COBL: variants seen among roughly 807,000 people sequenced by gnomAD.
COBL encodes the protein protein cordon-bleu.
Under a neutral mutation model 98.8 loss-of-function variants are expected in COBL, and 51 were observed. The ratio of observed to expected loss-of-function variants is 0.52; its 90% CI spans 0.41 to 0.65. COBL has a LOEUF of 0.65. COBL is among the 30% of genes least tolerant of loss of function. The pLI is 0.00. For missense variants in COBL, 1,617 were observed against 1,617.5 expected (o/e 1.00, Z 0.01); for synonymous variants, 634 against 651.7 (o/e 0.97, Z 0.41).
intron 7 of COBL, among the ~76,000 whole-genome samples, chr7:51,058,621 G>A (rs551858364): frequency 1.4e-4 from 22 of 152,122 alleles, no homozygotes; most frequent in Middle Eastern, 3.4e-3. Context: ...GACACTGTGC[G>A]GATTCAACTG....
At chr7:51,295,779 G>A (rs929505375) in intron 1 of COBL, among the ~76,000 whole-genome samples, 16 of 152,130 alleles carry the variant, frequency 1.1e-4, no homozygotes, top group East Asian at 1.9e-4. Flanking sequence ...TAACCTTTCC[G>A]AAAAATTTCA....
intron 5 of COBL, among the ~76,000 whole-genome samples, chr7:51,168,809 C>G (rs540400857): frequency 6.6e-6 from 1 of 152,288 alleles, no homozygotes; most frequent in Non-Finnish European, 1.5e-5. Context: ...GAAGAGATAT[C>G]TGCATTCTCC....
At chr7:51,259,427 G>A (rs531784785) in intron 1 of COBL, 41 of 486,052 alleles carry the variant, frequency 8.4e-5, no homozygotes, top group South Asian at 2.7e-4. Context: ...CCTCACCTGG[G>A]TCTAGTTCAG....
At chr7:51,266,156 A>C (rs1220292764) in intron 1 of COBL, among the ~76,000 whole-genome samples, 1 of 152,268 alleles carries the variant, frequency 6.6e-6, no homozygotes, top group Non-Finnish European at 1.5e-5. Context: ...ATTAATTACA[A>C]AACAATAAAT....
chr7:51,115,221 AAGAC>A (rs1797167000), intron 6 of COBL, among the ~76,000 whole-genome samples: 1 of 152,164 alleles, frequency 6.6e-6, no homozygotes, highest in African/African-American at 2.4e-5. Flanking sequence ...GATCATGTGA[AAGAC>A]AGAAAGAGCT....
At chr7:51,051,753 C>T (rs1790257084) in intron 7 of COBL, among the ~76,000 whole-genome samples, 1 of 152,206 alleles carries the variant, frequency 6.6e-6, no homozygotes, top group Non-Finnish European at 1.5e-5. Flanking sequence ...TGAAGTTCCA[C>T]AGGGACAGAG....
chr7:51,108,067 G>A (rs1368382750), intron 6 of COBL, among the ~76,000 whole-genome samples: 2 of 151,992 alleles, frequency 1.3e-5, no homozygotes, highest in Non-Finnish European at 2.9e-5. Context: ...ATCCTGCCTG[G>A]TGCCTCTAAG....
intron 6 of COBL, among the ~76,000 whole-genome samples, chr7:51,093,445 C>T (rs986234312): frequency 6.6e-6 from 1 of 152,038 alleles, no homozygotes; most frequent in African/African-American, 2.4e-5. Flanking sequence ...TTGAAGGTTC[C>T]CCAAAAAACT....
At chr7:51,055,721 C>G (rs998618260) in intron 7 of COBL, among the ~76,000 whole-genome samples, 1 of 152,194 alleles carries the variant, frequency 6.6e-6, no homozygotes, top group South Asian at 2.1e-4. Flanking sequence ...CGTACCTCCC[C>G]CAGAGTTCCT....
At position 51,049,789 on chromosome 7, in the gene COBL, G is replaced by A. The variant is rs186678625; in HGVS notation, c.1097-6097C>T. Among the ~76,000 whole-genome samples the A allele has an allele frequency of 2.0e-4, 30 of 152,322 alleles. 1 individual carries two copies. In the East Asian group the frequency reaches 5.8e-3, roughly 29 times the overall value. ...TGGTTGGAATCCCTAGTGTCTGTGT[G>A]CACACACGGGTGTGCAAATGTTCAG... On this transcript the variant is annotated intron_variant, in intron 7 of 12. Coordinates refer to ENST00000265136, the MANE Select transcript of COBL (RefSeq NM_015198.5).
rs76900942 is a variant in COBL, at chr7:51,299,854, T to C, written c.41+16739A>G. Among the ~76,000 whole-genome samples the C allele has an allele frequency of 1.9e-4, 29 of 152,284 alleles. No homozygotes were observed. In the East Asian group the frequency reaches 2.5e-3, roughly 13 times the overall value. On this transcript the variant is annotated intron_variant, in intron 1 of 12. Transcript: ENST00000265136. ...ACCCATGACTCCACAAGACAGGTCATCTGTACCCTACTTGAGGCACCATCA... is the reference window on the plus strand; with the variant it reads ...ACCCATGACTCCACAAGACAGGTCACCTGTACCCTACTTGAGGCACCATCA...
chr7:51,035,144 G>A (rs985358289), intron 8 of COBL: 10 of 152,196 alleles, frequency 6.6e-5, no homozygotes, highest in Admixed American at 2.0e-4. Flanking sequence ...AGGGCTTGCT[G>A]AGCCTCTGCA....
At chr7:51,273,283 G>A (rs1012178509) in intron 1 of COBL, among the ~76,000 whole-genome samples, 15 of 147,542 alleles carry the variant, frequency 1.0e-4, no homozygotes, top group Admixed American at 2.0e-4. Flanking sequence ...AGCTGAGATC[G>A]TGCCACTGCA....
intron 2 of COBL, among the ~76,000 whole-genome samples, chr7:51,201,020 C>A (rs1563029408): frequency 1.3e-5 from 2 of 152,028 alleles, no homozygotes; most frequent in Non-Finnish European, 2.9e-5. Flanking sequence ...GCGGGCAGAT[C>A]ACGATGTCAG....
intron 6 of COBL, among the ~76,000 whole-genome samples, chr7:51,125,972 T>C (rs115088839): frequency 0.02 from 2,995 of 152,320 alleles, 103 homozygotes; most frequent in African/African-American, 0.068. Context: ...GGATGGTAAC[T>C]TCTAGACGCT....
chr7:51,235,434 ACC>A (rs889479828), intron 1 of COBL, among the ~76,000 whole-genome samples: 1 of 152,044 alleles, frequency 6.6e-6, no homozygotes, highest in African/African-American at 2.4e-5. Context: ...ACGTCCAAGA[ACC>A]TCTTGGGCCC....
intron 7 of COBL, among the ~76,000 whole-genome samples, chr7:51,066,656 G>C (rs1791959099): frequency 6.6e-6 from 1 of 152,152 alleles, no homozygotes. Flanking sequence ...GCATGGGAAG[G>C]GGGTGCCACT....
At chr7:51,137,708 A>G (rs1414320832) in intron 5 of COBL, among the ~76,000 whole-genome samples, 6 of 152,214 alleles carry the variant, frequency 3.9e-5, no homozygotes, top group African/African-American at 1.4e-4. Context: ...CAATGAAGAC[A>G]GTAATTATCA....
intron 7 of COBL, chr7:51,070,894 A>G (rs1459178950): frequency 2.0e-5 from 3 of 152,230 alleles, no homozygotes; most frequent in African/African-American, 4.8e-5. Context: ...GAAAAGGTCA[A>G]CAGTACTGGT....
Sources: allele counts gnomAD v4.1 joint callset (sites outside exome capture counted in the v4.1 genomes callset), GRCh38; gene constraint gnomAD v4.1.1; transcripts MANE v1.5; gene names NCBI Gene and HGNC (gene_info 2026-07-23, HGNC 2026-07-21).